PHTF1: variants seen among roughly 807,000 people sequenced by gnomAD.
PHTF1 encodes the protein putative homeodomain transcription factor 1.
In PHTF1, 88 loss-of-function variants were observed where a neutral mutation model predicts 102.4. The ratio of observed to expected loss-of-function variants is 0.86; its 90% CI spans 0.72 to 1.03. The LOEUF is 1.03. Among genes scored for constraint, PHTF1 ranks in the 50% least tolerant of loss-of-function variants. PHTF1 has a pLI of 0.00. For synonymous variants in PHTF1, 289 were observed against 305.2 expected (o/e 0.95, Z 0.55); for missense variants, 814 against 909.5 (o/e 0.89, Z 1.35).
intron 7 of PHTF1, among the ~76,000 whole-genome samples, chr1:113,723,702 G>A (rs1653362630): frequency 6.6e-6 from 1 of 152,208 alleles, no homozygotes. Context: ...AAACTCTCCA[G>A]ATGTTGGTCT....
intron 8 of PHTF1, among the ~76,000 whole-genome samples, 192 bp from the exon 9 acceptor site, chr1:113,712,305 T>A (rs1651250252): frequency 6.6e-6 from 1 of 152,196 alleles, no homozygotes; most frequent in Non-Finnish European, 1.5e-5. Flanking sequence ...ATATCCTAAA[T>A]GAAGAGGCAG....
intron 5 of PHTF1, among the ~76,000 whole-genome samples, chr1:113,732,508 AC>A (rs200278618): frequency 8.6e-5 from 13 of 151,838 alleles, no homozygotes; most frequent in Non-Finnish European, 1.5e-4. Flanking sequence ...AAGAAAAAAA[AC>A]AATTTTCCTG....
chr1:113,741,083 G>T (rs1656276744), intron 3 of PHTF1, among the ~76,000 whole-genome samples: 1 of 152,136 alleles, frequency 6.6e-6, no homozygotes, highest in Admixed American at 6.5e-5. Flanking sequence ...TCTTAATTAT[G>T]TCTTAAAAAT....
At chr1:113,757,145 C>T (rs898626658) in intron 3 of PHTF1, among the ~76,000 whole-genome samples, 3 of 151,934 alleles carry the variant, frequency 2.0e-5, no homozygotes, top group Non-Finnish European at 4.4e-5. Flanking sequence ...CCAGCCTGGA[C>T]GACAGAGTGA....
At chr1:113,746,068 C>T (rs1432007079) in intron 3 of PHTF1, among the ~76,000 whole-genome samples, 1 of 152,176 alleles carries the variant, frequency 6.6e-6, no homozygotes, top group East Asian at 1.9e-4. Flanking sequence ...AAAGCAGACA[C>T]AGACATTGAA....
intron 7 of PHTF1, among the ~76,000 whole-genome samples, chr1:113,718,459 C>G (rs1429916498): frequency 6.6e-6 from 1 of 152,238 alleles, no homozygotes; most frequent in African/African-American, 2.4e-5. Flanking sequence ...TGGTGGCCTT[C>G]TCACAGCTCC....
At chr1:113,741,976 C>T (rs1223037553) in intron 3 of PHTF1, among the ~76,000 whole-genome samples, 2 of 152,128 alleles carry the variant, frequency 1.3e-5, no homozygotes, top group African/African-American at 2.4e-5. Context: ...GTAAAAAACA[C>T]ATTCCATACT....
At chr1:113,699,252 G>A in intron 17 of PHTF1, 2 of 233,374 alleles carry the variant, frequency 8.6e-6, no homozygotes, top group Non-Finnish European at 1.7e-5. Context: ...TGCTAATCTT[G>A]TTCCCCCAGT....
intron 5 of PHTF1, among the ~76,000 whole-genome samples, chr1:113,736,397 A>C (rs1021576151): frequency 6.6e-6 from 1 of 151,576 alleles, no homozygotes; most frequent in African/African-American, 2.4e-5. Flanking sequence ...GAAAGTTACA[A>C]CCCAGCTGAG....
chr1:113,758,462 C>A (rs1262576032), intron 2 of PHTF1, among the ~76,000 whole-genome samples, 197 bp downstream of exon 2: 1 of 150,790 alleles, frequency 6.6e-6, no homozygotes, highest in Non-Finnish European at 1.5e-5. Context: ...GGCTTGTAAA[C>A]CTTATTCTGG....
intron 5 of PHTF1, among the ~76,000 whole-genome samples, chr1:113,735,365 CAAAAAAAAAAA>C (rs749964684): frequency 7.0e-4 from 20 of 28,444 alleles, no homozygotes; most frequent in South Asian, 5.7e-3. Context: ...GACTCTGTCT[CAAAAAAAAAAA>C]AAAAAAAAAA....
chr1:113,699,791 T>A lies in PHTF1; in HGVS notation c.2055A>T (p.Leu685Phe). 8.8e-7 allele frequency: 1 copy of A among 1,136,772 alleles called. No homozygotes were observed. The highest frequency in any genetic ancestry group is 1.3e-6 in the Non-Finnish European group (1 of 771,172). 70.4% of individuals were successfully genotyped at this position (1,136,772 alleles called of 1,614,324 possible). Reference protein sequence around the residue: ...VSILLTEQINLYLKMEKKPNK... With the variant: ...VSILLTEQINFYLKMEKKPNK... ...TTGGCTTTTTTTCCATCTTAAGATATAAATTAATCTAAGGGAAGGAATAGA... is the reference window on the plus strand; with the variant it reads ...TTGGCTTTTTTTCCATCTTAAGATAAAAATTAATCTAAGGGAAGGAATAGA... Residue 685 changes from leucine (L) to phenylalanine (F), a missense_variant, in exon 17 of 19, where the codon TTA (leucine) becomes TTT (phenylalanine). Physicochemically the swap from Leu to Phe is conservative, Grantham distance 22. Coordinates refer to ENST00000369604, the MANE Select transcript of PHTF1 (RefSeq NM_001323043.2).
At chr1:113,742,235 A>C (rs1031757703) in intron 3 of PHTF1, among the ~76,000 whole-genome samples, 1 of 152,230 alleles carries the variant, frequency 6.6e-6, no homozygotes, top group Non-Finnish European at 1.5e-5. Context: ...CGAGGCTACA[A>C]ATCTGCCCAG....
intron 7 of PHTF1, among the ~76,000 whole-genome samples, chr1:113,721,589 G>C (rs1335026205): frequency 6.6e-6 from 1 of 152,152 alleles, no homozygotes; most frequent in African/African-American, 2.4e-5. Flanking sequence ...CAGATAATAA[G>C]ATCTTATATT....
rs1649036964 is a variant in PHTF1, at chr1:113,698,399, A to G, written c.2143-12T>C. 2 of 1,609,484 alleles carry G rather than the reference A, an allele frequency of 1.2e-6. No homozygotes were observed. Among genetic ancestry groups the G allele is most frequent in the Non-Finnish European group, 1.7e-6 (2 of 1,177,620 alleles). On this transcript the variant is annotated splice_polypyrimidine_tract_variant and intron_variant, in intron 17 of 18. Transcript: ENST00000369604. ...GGTGTGTCCAGCTCCTACAAAAAAC[A>G]TCAAAGAATTGAAATGAGATACATG...
chr1:113,705,941 A>C lies in PHTF1; in HGVS notation c.1620T>G (p.Leu540=), dbSNP rs1303988199. The change falls in exon 13 of 19, where the codon CTT becomes CTG. Residue 540 remains leucine (L), a synonymous_variant. Transcript: ENST00000369604. ...ACATCATGAAAAAAAACATCCAAGTAAGACACAATCTTTCAAAAAAATTAA... is the reference window on the plus strand; with the variant it reads ...ACATCATGAAAAAAAACATCCAAGTCAGACACAATCTTTCAAAAAAATTAA... The part of the protein sequence containing the change: ...SIINFFERLC[L]TWMFFFMMCV... The C allele has an allele frequency of 5.0e-6, 8 of 1,614,096 alleles. No homozygotes were observed. The highest frequency in any genetic ancestry group is 6.8e-6 in the Non-Finnish European group (8 of 1,179,922).
rs1263336578 is a variant in PHTF1 at position 113,758,677 on chromosome 1, T to C, written c.27A>G (p.Ile9Met). The C allele has an allele frequency of 6.2e-7, 1 of 1,605,830 alleles. No homozygotes were observed. The highest frequency in any genetic ancestry group is 8.5e-7 in the Non-Finnish European group (1 of 1,173,526). The change falls in exon 2 of 19, where the codon ATA becomes ATG. Residue 9 changes from isoleucine to methionine, a missense_variant. By Grantham distance (10) the Ile-to-Met change is conservative. Coordinates refer to ENST00000369604, the MANE Select transcript of PHTF1 (RefSeq NM_001323043.2). ...GTATTACCTTCTTTTGGTACCACGA[T>C]ATAGCATCTCTCTCATTTGAGGCCA... Reference protein sequence around the residue: MASNERDAISWYQKKIGAY... With the variant: MASNERDAMSWYQKKIGAY...
intron 5 of PHTF1, among the ~76,000 whole-genome samples, chr1:113,732,409 T>C (rs927231651): frequency 3.3e-5 from 5 of 152,054 alleles, no homozygotes; most frequent in Non-Finnish European, 7.3e-5. Flanking sequence ...GGTAGGAGAA[T>C]TGCTTGAACC....
chr1:113,758,401 G>A (rs996493699), intron 2 of PHTF1, among the ~76,000 whole-genome samples: 1 of 152,008 alleles, frequency 6.6e-6, no homozygotes, highest in African/African-American at 2.4e-5. Flanking sequence ...TTGATCAGAA[G>A]CAAACTTTCA....
Sources: gnomAD v4.1 joint callset for allele counts (sites outside exome capture counted in the v4.1 genomes callset) on GRCh38, gnomAD v4.1.1 for gene constraint, MANE v1.5 for transcripts, NCBI Gene and HGNC (gene_info 2026-07-23, HGNC 2026-07-21) for gene names.